Variants in TYW1B observed in about 807,000 individuals in gnomAD.
TYW1B encodes the protein tRNA-yW synthesizing protein 1 homolog B.
A neutral mutation model predicts 86.9 loss-of-function variants in TYW1B; 73 were observed. The observed-to-expected ratio is 0.84, with a 90% CI of 0.70 to 1.02. TYW1B has a LOEUF of 1.02. Ranked by LOEUF, TYW1B falls within the 50% of genes least tolerant of loss-of-function variation. The pLI is 0.00. For synonymous variants in TYW1B, 248 were observed against 292.8 expected, an observed-to-expected ratio of 0.85 and a Z score of 1.56; for missense variants, 637 against 827.4, an observed-to-expected ratio of 0.77 and a Z score of 2.82.
At chr7:72,736,482 A>C in intron 8 of TYW1B, among the ~76,000 whole-genome samples, 1 of 152,208 alleles carries the variant, frequency 6.6e-6, no homozygotes, top group Non-Finnish European at 1.5e-5. Flanking sequence ...AGAAGTTACT[A>C]TTTATTCTTA....
intron 8 of TYW1B, among the ~76,000 whole-genome samples, chr7:72,742,403 T>C (rs773858239): frequency 7.7e-4 from 117 of 152,198 alleles, no homozygotes; most frequent in Middle Eastern, 3.2e-3. Flanking sequence ...GTGCTAGTGT[T>C]ACAGGCATAA....
intron 11 of TYW1B, among the ~76,000 whole-genome samples, chr7:72,694,017 G>C (rs1294540925): frequency 1.3e-5 from 2 of 152,054 alleles, no homozygotes; most frequent in Admixed American, 6.6e-5. Flanking sequence ...CTGCAGTGCA[G>C]TGGCATGATC....
At chr7:72,782,295 T>TA (rs1320635098) in intron 6 of TYW1B, among the ~76,000 whole-genome samples, 3 of 151,636 alleles carry the variant, frequency 2.0e-5, no homozygotes, top group Non-Finnish European at 4.4e-5. Context: ...TCTCTAAAAA[T>TA]AAAAAAATTT....
In TYW1B at chr7:72,616,700, G is replaced by C. The variant is rs782216181; in HGVS notation, c.1757C>G (p.Ser586Cys). 2 of 1,614,166 alleles carry C rather than the reference G, an allele frequency of 1.2e-6. No homozygotes were observed. Among genetic ancestry groups the C allele is most frequent in the Non-Finnish European group, 1.7e-6 (2 of 1,180,008 alleles). Reference sequence around the variant, plus strand: ...TCTGTGTGCTATCAGGAGGCAATTAGAGTGTTCGTGTTCACATGCAATTTC... The same window carrying C: ...TCTGTGTGCTATCAGGAGGCAATTACAGTGTTCGTGTTCACATGCAATTTC... Reference protein sequence around the residue: ...EYEIACEHEHSNCLLIAHRKF... With the variant: ...EYEIACEHEHCNCLLIAHRKF... Residue 586 changes from serine to cysteine, a missense_variant, in exon 13 of 14, where the codon TCT (serine) becomes TGT (cysteine). By Grantham distance (112) the Ser-to-Cys change is moderately radical (BLOSUM62 -1). Coordinates refer to ENST00000620995, the MANE Select transcript of TYW1B (RefSeq NM_001145440.3).
intron 12 of TYW1B, among the ~76,000 whole-genome samples, chr7:72,625,169 A>G (rs1264733529): frequency 7.9e-5 from 12 of 152,192 alleles, no homozygotes; most frequent in Non-Finnish European, 1.2e-4. Flanking sequence ...CCTATTTTCA[A>G]TAAAACATTC....
chr7:72,823,870 C>A (rs11771051), intron 2 of TYW1B, among the ~76,000 whole-genome samples: 18 of 151,856 alleles, frequency 1.2e-4, no homozygotes, highest in Admixed American at 6.6e-4. Flanking sequence ...GAAATAGTTA[C>A]AAGGTTTCTG....
At chr7:72,637,438 A>ATTC (rs1812696616) in intron 11 of TYW1B, among the ~76,000 whole-genome samples, 1 of 148,902 alleles carries the variant, frequency 6.7e-6, no homozygotes, top group African/African-American at 2.5e-5. Flanking sequence ...AATTCAAAAT[A>ATTC]TCCTATCTTT....
chr7:72,740,603 T>C (rs781876430), intron 8 of TYW1B, among the ~76,000 whole-genome samples: 4 of 151,530 alleles, frequency 2.6e-5, no homozygotes, highest in Non-Finnish European at 5.9e-5. Context: ...ATAAAATCTT[T>C]ACAAGCATAG....
intron 10 of TYW1B, among the ~76,000 whole-genome samples, chr7:72,713,045 T>C (rs1331913923): frequency 1.3e-5 from 2 of 151,952 alleles, no homozygotes; most frequent in Non-Finnish European, 2.9e-5. Flanking sequence ...ACACCTGTAA[T>C]GCCAGCACTT....
At chr7:72,783,303 C>A (rs1355469685) in intron 6 of TYW1B, among the ~76,000 whole-genome samples, 17 of 141,482 alleles carry the variant, frequency 1.2e-4, no homozygotes, top group Admixed American at 1.5e-4. Context: ...GAGGCTGAGG[C>A]AGAAGAATCA....
chr7:72,639,797 C>T (rs760268483), intron 11 of TYW1B, among the ~76,000 whole-genome samples: 126 of 150,190 alleles, frequency 8.4e-4, no homozygotes, highest in Non-Finnish European at 1.5e-3. Flanking sequence ...ACTCAGGAGG[C>T]AGAGGCTGCA....
intron 7 of TYW1B, among the ~76,000 whole-genome samples, 171 bp downstream of exon 7, chr7:72,777,245 T>C (rs549637997): frequency 6.6e-5 from 10 of 152,292 alleles, no homozygotes; most frequent in South Asian, 2.1e-4. Flanking sequence ...AACTCACTGG[T>C]GCAGGCAGCC....
intron 11 of TYW1B, among the ~76,000 whole-genome samples, chr7:72,692,646 T>TTTCTTCTG (rs1814198996): frequency 6.6e-6 from 1 of 152,258 alleles, no homozygotes; most frequent in East Asian, 1.9e-4. Context: ...AAACAGTGTT[T>TTTCTTCTG]TTTAATAGAT....
intron 13 of TYW1B, among the ~76,000 whole-genome samples, chr7:72,614,389 T>G (rs1234973372): frequency 6.6e-6 from 1 of 151,986 alleles, no homozygotes; most frequent in African/African-American, 2.4e-5. Context: ...TCCCAGCACT[T>G]TGGGAGACTG....
rs989133589 is a variant in TYW1B, at chr7:72,755,529, A to G, written c.965-10928T>C. ...CATCTCTATAAAAAATACAAATGTTAGCCAGGCGTGGTGGTGCATGCCTAT... is the reference window on the plus strand; with the variant it reads ...CATCTCTATAAAAAATACAAATGTTGGCCAGGCGTGGTGGTGCATGCCTAT... On this transcript the variant is annotated intron_variant, in intron 7 of 13. Transcript: ENST00000620995. Among the ~76,000 whole-genome samples, 6 of 152,188 alleles carry G rather than the reference A, an allele frequency of 3.9e-5. No individual in the cohort carries two copies. In the East Asian group the frequency reaches 9.6e-4, roughly 24 times the overall value.
At chr7:72,630,332 T>G (rs1812451968) in intron 11 of TYW1B, among the ~76,000 whole-genome samples, 1 of 152,088 alleles carries the variant, frequency 6.6e-6, no homozygotes, top group Non-Finnish European at 1.5e-5. Flanking sequence ...GACCCACCCC[T>G]TGAGTAGGTG....
chr7:72,596,405 T>C (rs1554432609), intron 13 of TYW1B, among the ~76,000 whole-genome samples: 1 of 152,004 alleles, frequency 6.6e-6, no homozygotes, highest in South Asian at 2.1e-4. Flanking sequence ...AACAAAGCTA[T>C]AATAATCAAA....
At chr7:72,638,511 C>A (rs1354373365) in intron 11 of TYW1B, among the ~76,000 whole-genome samples, 1 of 152,116 alleles carries the variant, frequency 6.6e-6, no homozygotes, top group Non-Finnish European at 1.5e-5. Context: ...AAAATTTTCT[C>A]AACTTAATAA....
chr7:72,803,736 C>T (rs1563099571), intron 5 of TYW1B, among the ~76,000 whole-genome samples: 2 of 151,918 alleles, frequency 1.3e-5, no homozygotes, highest in South Asian at 4.1e-4. Context: ...GCCTCAGCCT[C>T]CAGAGTAGCT....
Sources: gnomAD v4.1 joint callset for allele counts (sites outside exome capture counted in the v4.1 genomes callset) on GRCh38, gnomAD v4.1.1 for gene constraint, MANE v1.5 for transcripts, NCBI Gene and HGNC (gene_info 2026-07-23, HGNC 2026-07-21) for gene names.